Variants in TTI1 observed in about 807,000 individuals in gnomAD.
TTI1 encodes TELO2-interacting protein 1 homolog.
TTI1 carries 52 observed loss-of-function variants against 85.4 expected under a neutral mutation model. The ratio of observed to expected loss-of-function variants is 0.61; its 90% CI spans 0.49 to 0.77. The LOEUF (loss-of-function observed/expected upper bound fraction) is 0.77. TTI1 is among the 30% of genes least tolerant of loss of function. The pLI is 0.00. For synonymous variants in TTI1, 512 were observed against 503.9 expected (o/e 1.02, Z -0.22); for missense variants, 1,173 against 1,296.0 (o/e 0.91, Z 1.46).
chr20:38,014,139 G>A lies in TTI1; in HGVS notation c.-41-282C>T, dbSNP rs545781902. Among the ~76,000 whole-genome samples, 4 of 152,204 alleles carry A rather than the reference G, an allele frequency of 2.6e-5. No individual in the cohort carries two copies. The South Asian group carries it at 8.3e-4, about 32-fold the overall frequency. On this transcript the variant is annotated intron_variant, in intron 1 of 7. Coordinates refer to ENST00000373447, the MANE Select transcript of TTI1 (RefSeq NM_001303457.2). Reference sequence around the variant, plus strand: ...TGGGTCTCACAAGAAAATTATGCTCGAGGCAAGACTTGAGGGAGGAAGGAA... The same window carrying A: ...TGGGTCTCACAAGAAAATTATGCTCAAGGCAAGACTTGAGGGAGGAAGGAA...
At chr20:37,995,999 C>T (rs1044380808) in intron 7 of TTI1, among the ~76,000 whole-genome samples, 14 of 152,152 alleles carry the variant, frequency 9.2e-5, no homozygotes, top group Non-Finnish European at 1.3e-4. Context: ...CGACATATGC[C>T]ATATCAGGAA....
rs146543753 is a variant in TTI1 at position 38,013,648 on chromosome 20, G to A, written c.169C>T (p.Arg57Ter). ...ELQQYILFPL[R>*]FTLKTPGPKR... ...GGACCTGGGGTCTTCAGGGTAAATC[G>A]CAGAGGGAAGAGGATGTACTGCTGA... The change falls in exon 2 of 8, where the codon CGA becomes TGA. Residue 57 changes from arginine (R) to a stop codon, truncating the protein, a stop_gained. Coordinates refer to ENST00000373447, the MANE Select transcript of TTI1 (RefSeq NM_001303457.2). LOFTEE classifies it high-confidence loss of function. 16 of 1,614,176 alleles carry A rather than the reference G, an allele frequency of 9.9e-6. No individual in the cohort carries two copies. The highest frequency in any genetic ancestry group is 2.2e-5 in the East Asian group (1 of 44,884).
chr20:38,010,348 A>C (rs929219688), intron 2 of TTI1, among the ~76,000 whole-genome samples: 2 of 152,132 alleles, frequency 1.3e-5, no homozygotes, highest in East Asian at 1.9e-4. Flanking sequence ...AATACTGGAA[A>C]TATGCTCTTT....
intron 4 of TTI1, among the ~76,000 whole-genome samples, chr20:38,000,235 G>T (rs2122527643): frequency 6.6e-6 from 1 of 152,308 alleles, no homozygotes; most frequent in East Asian, 1.9e-4. Context: ...GAGCACGCGG[G>T]AGGAGAAAGT....
chr20:38,026,856 T>C (rs1485861742), intron 1 of TTI1, among the ~76,000 whole-genome samples: 2 of 152,216 alleles, frequency 1.3e-5, no homozygotes, highest in Non-Finnish European at 2.9e-5. Flanking sequence ...TGGTTCTAAA[T>C]GTATGTAGAG....
intron 1 of TTI1, among the ~76,000 whole-genome samples, chr20:38,026,948 A>ATAG (rs1245248910): frequency 6.6e-6 from 1 of 152,230 alleles, no homozygotes; most frequent in Non-Finnish European, 1.5e-5. Context: ...TTTGCTAGGT[A>ATAG]AAGGTAAGTT....
intron 4 of TTI1, among the ~76,000 whole-genome samples, chr20:38,001,166 C>T (rs932739935): frequency 2.0e-5 from 3 of 152,192 alleles, no homozygotes; most frequent in Admixed American, 6.5e-5. Context: ...CTCTGCCTGA[C>T]CTGCACTAGT....
chr20:38,002,228 G>C (rs897304309), intron 4 of TTI1, among the ~76,000 whole-genome samples: 1 of 152,172 alleles, frequency 6.6e-6, no homozygotes, highest in Non-Finnish European at 1.5e-5. Flanking sequence ...TCTATATTAG[G>C]AAGTGTTCAA....
At position 38,013,516 on chromosome 20, in the gene TTI1, A is replaced by G; in HGVS notation, c.301T>C (p.Ser101Pro). Residue 101 changes from serine to proline, a missense_variant, in exon 2 of 8, where the codon TCT becomes CCT. Physicochemically the swap from Ser to Pro is moderately conservative, Grantham distance 74. Transcript: ENST00000373447. ...ELLQELFSEL[S>P]ACLYSPSSQK... ...GAGCTGGGTGAATACAGACAAGCAG[A>G]GAGTTCTGAAAAGAGTTCCTGGAGA... The G allele has an allele frequency of 6.2e-7, 1 of 1,614,156 alleles. No individual in the cohort carries two copies. The highest frequency in any genetic ancestry group is 1.3e-5 in the African/African-American group (1 of 75,066).
At chr20:38,018,536 C>T (rs532961591) in intron 1 of TTI1, among the ~76,000 whole-genome samples, 3 of 152,150 alleles carry the variant, frequency 2.0e-5, no homozygotes, top group South Asian at 4.1e-4. Flanking sequence ...AGAAGCAATA[C>T]TAAAATGTTC....
rs2073635931 is a variant in TTI1, at chr20:38,013,524, GAA to G, written c.291_292del (p.Ser98ArgfsTer30). On this transcript the variant is annotated frameshift_variant, in exon 2 of 8. Coordinates refer to ENST00000373447, the MANE Select transcript of TTI1 (RefSeq NM_001303457.2). LOFTEE classifies it high-confidence loss of function. ...TGAATACAGACAAGCAGAGAGTTCT[GAA>G]AAGAGTTCCTGGAGAAGCTCCTGTT... The G allele has an allele frequency of 1.2e-6, 2 of 1,614,136 alleles. No homozygotes were observed. Among genetic ancestry groups the G allele is most frequent in the East Asian group, 2.2e-5 (1 of 44,880 alleles).
chr20:38,019,541 T>C (rs1056477608), intron 1 of TTI1, among the ~76,000 whole-genome samples: 6 of 152,118 alleles, frequency 3.9e-5, no homozygotes, highest in Admixed American at 6.5e-5. Flanking sequence ...TCTAAGATAA[T>C]TGTAAAAGAA....
At chr20:38,008,390 C>A (rs1450047697) in intron 2 of TTI1, among the ~76,000 whole-genome samples, 1 of 152,162 alleles carries the variant, frequency 6.6e-6, no homozygotes, top group Non-Finnish European at 1.5e-5. Flanking sequence ...CAAGAAAGGA[C>A]TGGTTAAATA....
intron 4 of TTI1, chr20:38,000,362 T>C (rs2073404974): frequency 6.6e-6 from 1 of 152,662 alleles, no homozygotes; most frequent in Non-Finnish European, 1.5e-5. Flanking sequence ...TAAACTGATA[T>C]TTTACCTTCC....
chr20:38,013,405 T>C lies in TTI1; in HGVS notation c.412A>G (p.Ile138Val). ...GAGGGCTCATAAAAAGTCAGAATGA[T>C]GTCCCCATAAGCTGAGTGCATTAAT... is the stretch of plus-strand genomic sequence containing the variant. The part of the protein sequence containing the change: ...STLMHSAYGD[I>V]ILTFYEPSIL... Residue 138 changes from isoleucine to valine, a missense_variant, in exon 2 of 8, where the codon ATC becomes GTC. Ile to Val is a conservative substitution (Grantham distance 29, BLOSUM62 3). Coordinates refer to ENST00000373447, the MANE Select transcript of TTI1 (RefSeq NM_001303457.2). 6.2e-7 allele frequency: 1 copy of C among 1,614,104 alleles called. No individual in the cohort carries two copies. Among genetic ancestry groups the C allele is most frequent in the African/African-American group, 1.3e-5 (1 of 75,058 alleles).
At chr20:38,027,272 A>G (rs781434457) in intron 1 of TTI1, among the ~76,000 whole-genome samples, 1 of 152,252 alleles carries the variant, frequency 6.6e-6, no homozygotes, top group South Asian at 2.1e-4. Flanking sequence ...CATATATTTT[A>G]TATCAACTCT....
chr20:38,006,699 C>A (rs1382814133), intron 2 of TTI1, among the ~76,000 whole-genome samples: 1 of 152,206 alleles, frequency 6.6e-6, no homozygotes, highest in Admixed American at 6.5e-5. Flanking sequence ...AGAACTTGCC[C>A]GATAAGGCCC....
intron 1 of TTI1, among the ~76,000 whole-genome samples, chr20:38,020,325 T>A (rs3038750): frequency 0.26 from 15,064 of 57,256 alleles, 1,584 homozygotes; most frequent in Non-Finnish European, 0.33. Flanking sequence ...AAAAAAAAAA[T>A]ATATATATAT....
chr20:37,985,547 A>G (rs1385387477), intron 7 of TTI1, among the ~76,000 whole-genome samples: 2 of 145,186 alleles, frequency 1.4e-5, no homozygotes, highest in East Asian at 4.0e-4. Flanking sequence ...TTTTTTTTTG[A>G]GACAGAGTCT....
Sources: gnomAD v4.1 joint callset for allele counts (sites outside exome capture counted in the v4.1 genomes callset) on GRCh38, gnomAD v4.1.1 for gene constraint, MANE v1.5 for transcripts, NCBI Gene and HGNC (gene_info 2026-07-23, HGNC 2026-07-21) for gene names.